The following SCRG1 variants were observed in gnomAD, a reference collection of about 807,000 sequenced individuals.
SCRG1 encodes scrapie-responsive protein 1.
In SCRG1, 3 loss-of-function variants were observed where a neutral mutation model predicts 7.7. The observed-to-expected ratio is 0.39, with a 90% CI of 0.18 to 1.01. The LOEUF is 1.01. SCRG1 is among the 50% of genes least tolerant of loss of function. The pLI is 0.36. For missense variants in SCRG1, 110 were observed against 117.2 expected (o/e 0.94, Z 0.28); for synonymous variants, 46 against 41.2 (o/e 1.12, Z -0.44).
the SCRG1 span, among the ~76,000 whole-genome samples, chr4:173,457,536 A>G: frequency 1.3e-5 from 2 of 152,212 alleles, no homozygotes; most frequent in Non-Finnish European, 1.5e-5. Flanking sequence ...GCTGTTGTGC[A>G]GACAATCTCC....
the SCRG1 span, among the ~76,000 whole-genome samples, chr4:173,516,349 C>A: frequency 6.6e-6 from 1 of 152,244 alleles, no homozygotes; most frequent in South Asian, 2.1e-4. Flanking sequence ...GTTTAAGTCA[C>A]ACCCTGCAAT....
chr4:173,452,370 G>C, the SCRG1 span, among the ~76,000 whole-genome samples: 1 of 152,148 alleles, frequency 6.6e-6, no homozygotes, highest in Admixed American at 6.5e-5. Flanking sequence ...AGCAAGAGGA[G>C]GATGGGAGGG....
chr4:173,496,289 C>G, the SCRG1 span, among the ~76,000 whole-genome samples: 3 of 151,558 alleles, frequency 2.0e-5, no homozygotes, highest in Admixed American at 6.6e-5. Context: ...GCAGGCAAAA[C>G]TCAATATTTG....
intron 1 of SCRG1, among the ~76,000 whole-genome samples, chr4:173,398,006 G>A (rs1739652529): frequency 6.6e-6 from 1 of 152,218 alleles, no homozygotes; most frequent in Non-Finnish European, 1.5e-5. Flanking sequence ...TGCCCAGTCT[G>A]TGATGTTTTC....
chr4:173,485,024 AT>A, the SCRG1 span, among the ~76,000 whole-genome samples: 3 of 20,582 alleles, frequency 1.5e-4, 1 homozygote, highest in African/African-American at 6.9e-4. Context: ...ATAATATATA[AT>A]ATATTATATA....
chr4:173,441,196 G>T, the SCRG1 span, among the ~76,000 whole-genome samples: 1 of 152,130 alleles, frequency 6.6e-6, no homozygotes, highest in Non-Finnish European at 1.5e-5. Flanking sequence ...AAATAAGATG[G>T]TTCATCACCC....
At chr4:173,391,600 T>TA (rs1463554089) in intron 1 of SCRG1, among the ~76,000 whole-genome samples, 172 bp from the exon 2 acceptor site, 2 of 152,174 alleles carry the variant, frequency 1.3e-5, no homozygotes, top group Non-Finnish European at 2.9e-5. Flanking sequence ...CCATCTATGA[T>TA]AAAAAACCAT....
At chr4:173,479,517 T>G in the SCRG1 span, among the ~76,000 whole-genome samples, 3 of 147,746 alleles carry the variant, frequency 2.0e-5, no homozygotes, top group Non-Finnish European at 4.5e-5. Flanking sequence ...CTAGGATCAC[T>G]GCAGCCTCTG....
chr4:173,435,613 A>G, the SCRG1 span, among the ~76,000 whole-genome samples: 451 of 152,386 alleles, frequency 3.0e-3, no homozygotes, highest in African/African-American at 0.01. Flanking sequence ...TGAATGGAAA[A>G]TGAAATAAAT....
chr4:173,436,094 G>T, the SCRG1 span, among the ~76,000 whole-genome samples: 3 of 151,782 alleles, frequency 2.0e-5, no homozygotes, highest in Admixed American at 2.0e-4. Flanking sequence ...TTAAAAGGAT[G>T]AAAAAAACTC....
chr4:173,485,094 ATT>A, the SCRG1 span, among the ~76,000 whole-genome samples: 7 of 13,326 alleles, frequency 5.3e-4, 1 homozygote, highest in East Asian at 2.9e-3. Context: ...TATATTATAT[ATT>A]ATATATTATA....
At chr4:173,497,481 T>C in the SCRG1 span, among the ~76,000 whole-genome samples, 1 of 151,942 alleles carries the variant, frequency 6.6e-6, no homozygotes, top group Admixed American at 6.6e-5. Context: ...ATATCATGAC[T>C]GTTTCTCTGA....
intron 1 of SCRG1, among the ~76,000 whole-genome samples, chr4:173,398,787 C>T (rs1171212725): frequency 6.6e-6 from 1 of 152,152 alleles, no homozygotes; most frequent in African/African-American, 2.4e-5. Context: ...TAAATTTGGG[C>T]ATTAAATAAA....
the SCRG1 span, among the ~76,000 whole-genome samples, chr4:173,484,387 T>A: frequency 3.1e-5 from 1 of 32,162 alleles, no homozygotes; most frequent in Non-Finnish European, 5.9e-5. Flanking sequence ...TTATGTATAT[T>A]TTATACATTA....
At chr4:173,466,973 C>T in the SCRG1 span, among the ~76,000 whole-genome samples, 1 of 152,050 alleles carries the variant, frequency 6.6e-6, no homozygotes, top group Non-Finnish European at 1.5e-5. Context: ...ACTAATTTCT[C>T]TAGTTTCTGA....
chr4:173,459,198 G>A, the SCRG1 span, among the ~76,000 whole-genome samples: 2 of 152,200 alleles, frequency 1.3e-5, no homozygotes, highest in Admixed American at 6.5e-5. Flanking sequence ...TCTCAGAATC[G>A]CACTGATCAT....
chr4:173,408,354 C>G (rs1739965191), upstream of SCRG1, among the ~76,000 whole-genome samples: 2 of 152,098 alleles, frequency 1.3e-5, no homozygotes, highest in South Asian at 4.1e-4. Flanking sequence ...CTAAATAAGC[C>G]TCCTTCTTTG....
At chr4:173,391,970 A>G (rs1739462265) in intron 1 of SCRG1, among the ~76,000 whole-genome samples, 1 of 152,194 alleles carries the variant, frequency 6.6e-6, no homozygotes, top group Non-Finnish European at 1.5e-5. Flanking sequence ...GGGGGCTGCA[A>G]TCTGCATTTA....
upstream of SCRG1, among the ~76,000 whole-genome samples, chr4:173,410,426 T>A (rs1740013628): frequency 6.6e-6 from 1 of 152,208 alleles, no homozygotes. Flanking sequence ...TGAAGCCTGA[T>A]GGAATCAGTT....
Sources: allele counts gnomAD v4.1 joint callset (sites outside exome capture counted in the v4.1 genomes callset), GRCh38; gene constraint gnomAD v4.1.1; transcripts MANE v1.5; gene names NCBI Gene and HGNC (gene_info 2026-07-23, HGNC 2026-07-21).